The following CTNND2 variants were observed in gnomAD, a reference collection of about 807,000 sequenced individuals.
The protein encoded by CTNND2 is catenin delta 2, also known as catenin delta-2.
Under a neutral mutation model 144.4 loss-of-function variants are expected in CTNND2, and 22 were observed. That is an observed-to-expected ratio of 0.15 (90% CI 0.11 to 0.22). The LOEUF (loss-of-function observed/expected upper bound fraction) is 0.22. Among genes scored for constraint, CTNND2 ranks in the 10% least tolerant of loss-of-function variants. CTNND2 has a pLI of 1.00. For missense variants in CTNND2, 1,353 were observed against 1,618.8 expected (o/e 0.84, Z 2.82); for synonymous variants, 751 against 695.6 (o/e 1.08, Z -1.25).
At chr5:11,721,463 T>C (rs891005571) in intron 2 of CTNND2, among the ~76,000 whole-genome samples, 7 of 152,004 alleles carry the variant, frequency 4.6e-5, no homozygotes, top group Non-Finnish European at 2.9e-5. Context: ...TTTATAAACA[T>C]GGAAAAAATG....
At chr5:11,057,125 G>C (rs1746424800) in intron 16 of CTNND2, among the ~76,000 whole-genome samples, 1 of 152,202 alleles carries the variant, frequency 6.6e-6, no homozygotes, top group South Asian at 2.1e-4. Context: ...TCCAAGTATA[G>C]GACAGCTATC....
At chr5:11,022,184 G>C (rs1044363256) in intron 17 of CTNND2, among the ~76,000 whole-genome samples, 2 of 152,230 alleles carry the variant, frequency 1.3e-5, no homozygotes, top group South Asian at 2.1e-4. Context: ...TTTAAGATTT[G>C]ATTATCAACT....
In CTNND2 at chr5:11,308,248, T is replaced by C. The variant is rs547390697; in HGVS notation, c.1628+38124A>G. On this transcript the variant is annotated intron_variant, in intron 9 of 21. Coordinates refer to ENST00000304623, the MANE Select transcript of CTNND2 (RefSeq NM_001332.4). ...ACTTTTTTTTTTTTTTAAAGCAAGCTATCTATTCAATTTGCAAACAGGCTC... is the reference window on the plus strand; with the variant it reads ...ACTTTTTTTTTTTTTTAAAGCAAGCCATCTATTCAATTTGCAAACAGGCTC... Among the ~76,000 whole-genome samples, 24 of 151,830 alleles carry C rather than the reference T, an allele frequency of 1.6e-4. No individual in the cohort carries two copies. The South Asian group carries it at 5.0e-3, about 31-fold the overall frequency.
chr5:11,578,580 G>C (rs558322926), intron 2 of CTNND2, among the ~76,000 whole-genome samples: 77 of 152,056 alleles, frequency 5.1e-4, no homozygotes, highest in Non-Finnish European at 8.8e-4. Context: ...TAAATCGCTT[G>C]AACTCGGGAG....
At chr5:11,818,052 A>G (rs1414081442) in intron 1 of CTNND2, among the ~76,000 whole-genome samples, 2 of 118,116 alleles carry the variant, frequency 1.7e-5, no homozygotes, top group Non-Finnish European at 3.3e-5. Flanking sequence ...ATTTCTTTTC[A>G]GAGCATAGAA....
intron 1 of CTNND2, among the ~76,000 whole-genome samples, chr5:11,836,873 T>C (rs916393161): frequency 6.6e-6 from 1 of 152,118 alleles, no homozygotes; most frequent in Non-Finnish European, 1.5e-5. Context: ...GGGGATGGGA[T>C]GAAAGAAATC....
At position 11,678,573 on chromosome 5, in the gene CTNND2, G is replaced by A. The variant is rs114901157; in HGVS notation, c.174+53563C>T. On this transcript the variant is annotated intron_variant, in intron 2 of 21. Transcript: ENST00000304623. ...GGAAATTAAATGTTATTAAGACGAAGCCCTCTAGCACTATTGATCATTGAT... is the reference window on the plus strand; with the variant it reads ...GGAAATTAAATGTTATTAAGACGAAACCCTCTAGCACTATTGATCATTGAT... 4.3e-3 allele frequency among the ~76,000 whole-genome samples: 647 copies of A among 152,228 alleles called. 5 individuals are homozygous for A. The highest frequency in any genetic ancestry group is 0.015 in the African/African-American group (616 of 41,532).
intron 9 of CTNND2, among the ~76,000 whole-genome samples, chr5:11,316,464 AT>A (rs113458951): frequency 1.3e-4 from 8 of 60,262 alleles, no homozygotes; most frequent in Admixed American, 2.7e-4. Context: ...CTTATCCACT[AT>A]TTTTTATTAT....
At chr5:11,901,725 CA>C (rs1329355474) in intron 1 of CTNND2, among the ~76,000 whole-genome samples, 2 of 152,300 alleles carry the variant, frequency 1.3e-5, no homozygotes, top group Admixed American at 1.3e-4. Flanking sequence ...ATATCATTTT[CA>C]ATCCACAATA....
chr5:11,105,807 C>T (rs1166158347), intron 14 of CTNND2, among the ~76,000 whole-genome samples: 1 of 152,132 alleles, frequency 6.6e-6, no homozygotes, highest in Non-Finnish European at 1.5e-5. Flanking sequence ...TATGTTGCTT[C>T]CAGGACATGA....
chr5:11,754,399 A>G (rs958840519), intron 1 of CTNND2, among the ~76,000 whole-genome samples: 2 of 65,778 alleles, frequency 3.0e-5, no homozygotes, highest in African/African-American at 1.2e-4. Flanking sequence ...CTTTCAAGGA[A>G]TTTCCTTATT....
intron 1 of CTNND2, among the ~76,000 whole-genome samples, chr5:11,753,054 T>C (rs1581826032): frequency 6.6e-6 from 1 of 151,854 alleles, no homozygotes; most frequent in East Asian, 1.9e-4. Flanking sequence ...GCTAAAGTTG[T>C]TTGTAAGATC....
At position 11,063,917 on chromosome 5, in the gene CTNND2, C is replaced by T. The variant is rs116565167; in HGVS notation, c.2788+18779G>A. On this transcript the variant is annotated intron_variant, in intron 16 of 21. Coordinates refer to ENST00000304623, the MANE Select transcript of CTNND2 (RefSeq NM_001332.4). ...TGTTAATGATTTGCAATCATTAATT[C>T]TATCAATACGCTGACACAGGCATCC... Among the ~76,000 whole-genome samples, 1,413 of 152,270 alleles carry T rather than the reference C, an allele frequency of 9.3e-3. 15 individuals are homozygous for T. The highest frequency in any genetic ancestry group is 0.015 in the Non-Finnish European group (1,029 of 68,024).
intron 3 of CTNND2, among the ~76,000 whole-genome samples, chr5:11,502,920 T>C (rs1325809412): frequency 6.6e-6 from 1 of 152,220 alleles, no homozygotes; most frequent in African/African-American, 2.4e-5. Context: ...TGTAAGTACA[T>C]GTACAAGGAT....
chr5:10,973,452 C>T lies in CTNND2; in HGVS notation c.*1G>A. On this transcript the variant is annotated 3_prime_UTR_variant, in exon 22 of 22. Coordinates refer to ENST00000304623, the MANE Select transcript of CTNND2 (RefSeq NM_001332.4). The surrounding 1 kb of genome is among the most constrained non-coding windows in gnomAD (Gnocchi z 5.6). The stretch of plus-strand genomic sequence containing the variant: ...TTCCCGGAGCGCCTGTGCCCTGCTC[C>T]TCACACCCAGGAGTCGGGGGAGGCC... 6.3e-7 allele frequency: 1 copy of T among 1,585,432 alleles called. No homozygotes were observed. The highest frequency in any genetic ancestry group is 1.2e-5 in the South Asian group (1 of 86,548).
intron 2 of CTNND2, among the ~76,000 whole-genome samples, chr5:11,646,438 A>G (rs16901819): frequency 0.045 from 6,916 of 152,260 alleles, 347 homozygotes; most frequent in East Asian, 0.2. Flanking sequence ...GCCTTTCACA[A>G]TAATAGACAC....
In CTNND2 at chr5:11,903,092, G is replaced by A. The variant is rs1397716431; in HGVS notation, c.37+725C>T. 3 of 673,172 alleles carry A rather than the reference G, an allele frequency of 4.5e-6. No individual in the cohort carries two copies. The highest frequency in any genetic ancestry group is 3.9e-5 in the African/African-American group (2 of 51,014). 41.7% of individuals were successfully genotyped at this position (673,172 alleles called of 1,614,324 possible). A position where few individuals can be genotyped will look rare whatever the true frequency, so the allele number is the denominator to read the frequency against. ...GGGTCGGGAAAAAAAGAAAAAAGCA[G>A]CTTCGCTTTCAGCCATTAATTACGG... On this transcript the variant is annotated intron_variant, in intron 1 of 21. Transcript: ENST00000304623. This position sits in a 1 kb window ranked among gnomAD's most constrained non-coding sequence, Gnocchi z 5.4.
intron 13 of CTNND2, among the ~76,000 whole-genome samples, chr5:11,115,314 T>TG (rs1161151835): frequency 6.6e-6 from 1 of 152,240 alleles, no homozygotes; most frequent in African/African-American, 2.4e-5. Flanking sequence ...TCTTTGGTGC[T>TG]GGTGGCTGCA....
rs148069288 is a variant in CTNND2, at chr5:11,185,694, G to A, written c.1975+13754C>T. ...TCTAGGCTGAGTTTCATCCTCTAAC[G>A]GATAACCAAAAAGGAAGTTTATTTC... On this transcript the variant is annotated intron_variant, in intron 11 of 21. Transcript: ENST00000304623. Among the ~76,000 whole-genome samples the A allele has an allele frequency of 1.2e-3, 183 of 152,160 alleles. 4 individuals are homozygous for A. The East Asian group carries it at 0.023, about 19-fold the overall frequency.
Sources: allele counts gnomAD v4.1 joint callset (sites outside exome capture counted in the v4.1 genomes callset), GRCh38; gene constraint gnomAD v4.1.1; non-coding constraint Gnocchi (gnomAD v3.1); transcripts MANE v1.5; gene names NCBI Gene and HGNC (gene_info 2026-07-23, HGNC 2026-07-21).